STAU2: variants seen among roughly 807,000 people sequenced by gnomAD.
The protein encoded by STAU2 is staufen double-stranded RNA binding protein 2.
A neutral mutation model predicts 65.9 loss-of-function variants in STAU2; 20 were observed. That is an observed-to-expected ratio of 0.30 (90% confidence interval 0.21 to 0.44). The LOEUF is 0.44. Ranked by LOEUF, STAU2 falls within the 20% of genes least tolerant of loss-of-function variation. The pLI is 1.00. For synonymous variants in STAU2, 232 were observed against 233.9 expected (o/e 0.99, Z 0.07); for missense variants, 558 against 683.9 (o/e 0.82, Z 2.05).
chr8:73,671,585 TAATC>T (rs537280349), intron 6 of STAU2, among the ~76,000 whole-genome samples: 130 of 152,242 alleles, frequency 8.5e-4, no homozygotes, highest in African/African-American at 3.0e-3. Context: ...AGGAAGGAAA[TAATC>T]AGTGATGTGA....
intron 13 of STAU2, among the ~76,000 whole-genome samples, chr8:73,528,081 C>A (rs1805561800): frequency 6.6e-6 from 1 of 152,070 alleles, no homozygotes; most frequent in Non-Finnish European, 1.5e-5. Flanking sequence ...TCTTTCAAGT[C>A]CAGCTTTTTA....
At chr8:73,561,380 T>C (rs1000769488) in intron 12 of STAU2, 7 of 324,758 alleles carry the variant, frequency 2.2e-5, no homozygotes, top group Admixed American at 8.3e-5. Flanking sequence ...TAAGACAAAA[T>C]AGTTGCTGTG....
At chr8:73,617,173 G>C in intron 7 of STAU2, 119 bp downstream of exon 7, 1 of 1,210,722 alleles carries the variant, frequency 8.3e-7, no homozygotes, top group Admixed American at 2.8e-5. Flanking sequence ...AGACTGTCAG[G>C]TCTTCACTCT....
intron 13 of STAU2, among the ~76,000 whole-genome samples, chr8:73,538,360 T>G (rs1232456297): frequency 6.6e-6 from 1 of 152,086 alleles, no homozygotes; most frequent in Non-Finnish European, 1.5e-5. Context: ...ATAAAATCAT[T>G]AGTGCTATGA....
intron 9 of STAU2, among the ~76,000 whole-genome samples, chr8:73,610,538 CA>C (rs59599554): frequency 0.83 from 78,688 of 95,182 alleles, 31,869 homozygotes; most frequent in Middle Eastern, 0.89. Context: ...GACCCCGTCT[CA>C]AAAAAAAAAA....
At chr8:73,506,490 T>C (rs1822072513) in intron 13 of STAU2, among the ~76,000 whole-genome samples, 1 of 152,178 alleles carries the variant, frequency 6.6e-6, no homozygotes, top group Non-Finnish European at 1.5e-5. Flanking sequence ...TGCAATAGCA[T>C]TATGTCTAAA....
chr8:73,591,666 A>G (rs1810785917), intron 11 of STAU2, among the ~76,000 whole-genome samples: 1 of 152,050 alleles, frequency 6.6e-6, no homozygotes. Flanking sequence ...CTGTATACAT[A>G]TATAACAACA....
intron 13 of STAU2, among the ~76,000 whole-genome samples, chr8:73,505,968 G>A (rs1220818309): frequency 1.3e-5 from 2 of 151,950 alleles, no homozygotes; most frequent in African/African-American, 4.8e-5. Flanking sequence ...TCCCATGCCC[G>A]CCATGTGACA....
intron 13 of STAU2, among the ~76,000 whole-genome samples, chr8:73,517,524 G>A (rs1822808356): frequency 6.6e-6 from 1 of 152,022 alleles, no homozygotes; most frequent in Admixed American, 6.6e-5. Context: ...AAACACTTTG[G>A]GTTCTATTTA....
intron 13 of STAU2, among the ~76,000 whole-genome samples, chr8:73,477,194 G>A (rs1585838143): frequency 6.6e-6 from 1 of 152,102 alleles, no homozygotes; most frequent in Non-Finnish European, 1.5e-5. Context: ...GGGCTACAGA[G>A]ATGAGCAGGT....
intron 13 of STAU2, among the ~76,000 whole-genome samples, chr8:73,522,638 G>C (rs974193797): frequency 4.6e-5 from 7 of 152,136 alleles, no homozygotes; most frequent in Admixed American, 4.6e-4. Flanking sequence ...GAAAATTTAA[G>C]CTATGTTTTT....
chr8:73,482,294 C>T (rs1293279535), intron 13 of STAU2, among the ~76,000 whole-genome samples: 1 of 150,906 alleles, frequency 6.6e-6, no homozygotes, highest in Non-Finnish European at 1.5e-5. Context: ...CTACTGGCTA[C>T]AACTTCAAAA....
chr8:73,556,553 C>T (rs1000170202), intron 12 of STAU2, among the ~76,000 whole-genome samples: 3 of 152,066 alleles, frequency 2.0e-5, no homozygotes, highest in South Asian at 2.1e-4. Context: ...GTCAGGAGTT[C>T]GAGACCAGCC....
At chr8:73,522,962 C>G (rs908581467) in intron 13 of STAU2, among the ~76,000 whole-genome samples, 2 of 151,978 alleles carry the variant, frequency 1.3e-5, no homozygotes, top group African/African-American at 4.8e-5. Flanking sequence ...CTTTGGGAGG[C>G]CAAGGCGCAC....
chr8:73,671,830 A>G (rs1817700150), intron 6 of STAU2, among the ~76,000 whole-genome samples: 1 of 152,148 alleles, frequency 6.6e-6, no homozygotes, highest in Non-Finnish European at 1.5e-5. Context: ...CAAGACCCCC[A>G]GCCTGGCCAA....
intron 6 of STAU2, among the ~76,000 whole-genome samples, chr8:73,637,619 T>C (rs955434703): frequency 2.0e-5 from 3 of 151,460 alleles, no homozygotes; most frequent in African/African-American, 7.3e-5. Context: ...AGAGAAATCA[T>C]TGCCAGAAGA....
chr8:73,559,815 G>A (rs1008189734), intron 12 of STAU2, among the ~76,000 whole-genome samples: 3 of 152,058 alleles, frequency 2.0e-5, no homozygotes, highest in African/African-American at 7.2e-5. Context: ...TGCAAATCTG[G>A]TCTTCCAGAT....
chr8:73,578,576 A>C (rs1480677963), intron 12 of STAU2, among the ~76,000 whole-genome samples: 2 of 152,188 alleles, frequency 1.3e-5, no homozygotes, highest in Admixed American at 1.3e-4. Flanking sequence ...GCTCAAATGG[A>C]CAGCAATGAG....
At chr8:73,502,624 A>G (rs1410169021) in intron 13 of STAU2, among the ~76,000 whole-genome samples, 1 of 152,060 alleles carries the variant, frequency 6.6e-6, no homozygotes, top group Non-Finnish European at 1.5e-5. Context: ...TATTGCCTAG[A>G]GGGAGCTCTG....
Sources: gnomAD v4.1 joint callset for allele counts (sites outside exome capture counted in the v4.1 genomes callset) on GRCh38, gnomAD v4.1.1 for gene constraint, MANE v1.5 for transcripts, NCBI Gene and HGNC (gene_info 2026-07-23, HGNC 2026-07-21) for gene names.